Variants in GRM3 observed in about 807,000 individuals in gnomAD.
The protein encoded by GRM3 is metabotropic glutamate receptor 3.
A neutral mutation model predicts 70.5 loss-of-function variants in GRM3; 26 were observed. That is an observed-to-expected ratio of 0.37 (90% confidence interval 0.27 to 0.51). The LOEUF is 0.51. Among genes scored for constraint, GRM3 ranks in the 20% least tolerant of loss-of-function variants. The pLI, the probability that GRM3 is intolerant of heterozygous loss-of-function variation, is 0.93. For synonymous variants in GRM3, 443 were observed against 434.9 expected, an observed-to-expected ratio of 1.02 and a Z score of -0.23; for missense variants, 859 against 1,123.8, an observed-to-expected ratio of 0.76 and a Z score of 3.37.
At chr7:86,757,928 T>C (rs1419075848) in intron 1 of GRM3, among the ~76,000 whole-genome samples, 1 of 152,146 alleles carries the variant, frequency 6.6e-6, no homozygotes, top group African/African-American at 2.4e-5. Flanking sequence ...ACCAGGAATA[T>C]GTGAATGATA....
At chr7:86,663,267 T>C (rs1372469163) in intron 1 of GRM3, among the ~76,000 whole-genome samples, 2 of 151,912 alleles carry the variant, frequency 1.3e-5, no homozygotes, top group Non-Finnish European at 2.9e-5. Context: ...AGTGGTATCA[T>C]GCAAATAAAG....
At chr7:86,726,324 AC>A (rs1795592652) in intron 1 of GRM3, among the ~76,000 whole-genome samples, 1 of 152,192 alleles carries the variant, frequency 6.6e-6, no homozygotes, top group South Asian at 2.1e-4. Flanking sequence ...TTTAAAGCAA[AC>A]AACAGCTCTT....
chr7:86,767,567 T>C (rs1584226521), intron 2 of GRM3, among the ~76,000 whole-genome samples: 1 of 140,310 alleles, frequency 7.1e-6, no homozygotes, highest in East Asian at 2.2e-4. Flanking sequence ...ATAAATGAAG[T>C]ATGAAACATT....
intron 2 of GRM3, among the ~76,000 whole-genome samples, chr7:86,771,220 G>A (rs1197434331): frequency 1.3e-5 from 2 of 151,980 alleles, no homozygotes; most frequent in African/African-American, 2.4e-5. Context: ...TGAACTACAA[G>A]GCATTTAAGG....
At chr7:86,748,724 A>G (rs1039807837) in intron 1 of GRM3, among the ~76,000 whole-genome samples, 2 of 152,026 alleles carry the variant, frequency 1.3e-5, no homozygotes, top group Non-Finnish European at 2.9e-5. Flanking sequence ...GGACTATTAC[A>G]TTAAAAGGTA....
At chr7:86,784,824 T>C (rs1306025130) in intron 2 of GRM3, among the ~76,000 whole-genome samples, 2 of 152,198 alleles carry the variant, frequency 1.3e-5, no homozygotes, top group African/African-American at 4.8e-5. Context: ...TATTTGTGGT[T>C]GAGAGGTAGC....
At chr7:86,744,067 G>C (rs1047198047) in intron 1 of GRM3, among the ~76,000 whole-genome samples, 1 of 151,918 alleles carries the variant, frequency 6.6e-6, no homozygotes, top group Non-Finnish European at 1.5e-5. Flanking sequence ...AAAGCAAATG[G>C]GCAATGTTAC....
intron 1 of GRM3, among the ~76,000 whole-genome samples, chr7:86,645,140 G>C (rs1191049323): frequency 6.6e-6 from 1 of 152,140 alleles, no homozygotes; most frequent in African/African-American, 2.4e-5. Flanking sequence ...GAGGTGAAGG[G>C]ACGAACTAGC....
At chr7:86,729,405 G>C (rs1216144677) in intron 1 of GRM3, among the ~76,000 whole-genome samples, 1 of 152,158 alleles carries the variant, frequency 6.6e-6, no homozygotes, top group Non-Finnish European at 1.5e-5. Context: ...TGTGTTACAT[G>C]TTATTCAGCA....
At chr7:86,714,728 A>T (rs2116191935) in intron 1 of GRM3, among the ~76,000 whole-genome samples, 1 of 152,154 alleles carries the variant, frequency 6.6e-6, no homozygotes, top group South Asian at 2.1e-4. Context: ...ACAGTATAGG[A>T]TAAGCATGGA....
At chr7:86,779,664 A>G (rs1036896480) in intron 2 of GRM3, among the ~76,000 whole-genome samples, 7 of 152,228 alleles carry the variant, frequency 4.6e-5, no homozygotes, top group Admixed American at 2.0e-4. Context: ...AGGGAATGAA[A>G]GAGGCTCAGA....
intron 1 of GRM3, among the ~76,000 whole-genome samples, chr7:86,724,767 T>C (rs1486775254): frequency 7.1e-6 from 1 of 141,222 alleles, no homozygotes; most frequent in Non-Finnish European, 1.5e-5. Flanking sequence ...AGGGTTAGAT[T>C]ATTTGCAAAA....
At chr7:86,810,870 C>A (rs1562871746) in intron 3 of GRM3, among the ~76,000 whole-genome samples, 4 of 151,946 alleles carry the variant, frequency 2.6e-5, no homozygotes, top group Admixed American at 2.6e-4. Context: ...ACACACATTG[C>A]ATACAAATAT....
chr7:86,849,199 AC>A (rs1379854755), intron 4 of GRM3, among the ~76,000 whole-genome samples: 1 of 152,172 alleles, frequency 6.6e-6, no homozygotes, highest in African/African-American at 2.4e-5. Flanking sequence ...TACGTAGAAA[AC>A]AAATTGTCCC....
intron 1 of GRM3, among the ~76,000 whole-genome samples, chr7:86,647,692 GA>G (rs1009964182): frequency 1.3e-5 from 2 of 152,136 alleles, no homozygotes; most frequent in African/African-American, 4.8e-5. Flanking sequence ...TGCTCCCAAG[GA>G]GGAGCATAAA....
At chr7:86,855,738 A>G (rs1798833966) in intron 5 of GRM3, among the ~76,000 whole-genome samples, 1 of 152,236 alleles carries the variant, frequency 6.6e-6, no homozygotes, top group Admixed American at 6.5e-5. Flanking sequence ...AAGCAAGCAC[A>G]TGAGACCAGA....
intron 1 of GRM3, among the ~76,000 whole-genome samples, chr7:86,672,584 G>A (rs555718496): frequency 1.3e-5 from 2 of 151,908 alleles, no homozygotes; most frequent in Admixed American, 1.3e-4. Flanking sequence ...CTGGGGCAGG[G>A]TTTTTTTGTT....
At chr7:86,773,351 TTTTATTTA>T (rs147567573) in intron 2 of GRM3, among the ~76,000 whole-genome samples, 9 of 151,944 alleles carry the variant, frequency 5.9e-5, no homozygotes, top group Admixed American at 1.3e-4. Context: ...ATCCATTACC[TTTTATTTA>T]TTTATTTATT....
intron 2 of GRM3, among the ~76,000 whole-genome samples, chr7:86,767,582 A>G (rs1366786260): frequency 2.7e-5 from 4 of 146,884 alleles, no homozygotes; most frequent in Non-Finnish European, 4.5e-5. Flanking sequence ...AACATTTCAT[A>G]TATGTGTATA....
Sources: allele counts gnomAD v4.1 joint callset (sites outside exome capture counted in the v4.1 genomes callset), GRCh38; gene constraint gnomAD v4.1.1; transcripts MANE v1.5; gene names NCBI Gene and HGNC (gene_info 2026-07-23, HGNC 2026-07-21).